HASPIN: variants seen among roughly 807,000 people sequenced by gnomAD.
The protein encoded by HASPIN is histone H3 associated protein kinase.
Under a neutral mutation model 28.8 loss-of-function variants are expected in HASPIN, and 24 were observed. The ratio of observed to expected loss-of-function variants is 0.83; its 90% CI spans 0.60 to 1.17. HASPIN has a LOEUF of 1.17. HASPIN is among the 50% of genes most tolerant of loss of function. HASPIN has a pLI of 0.00. For synonymous variants in HASPIN, 440 were observed against 413.1 expected (o/e 1.07, Z -0.79); for missense variants, 1,016 against 1,018.5 (o/e 1.00, Z 0.03).
Position 3,723,992 on chromosome 17 carries a change from G to T in HASPIN, c.57G>T (p.Ala19=). 1 of 1,593,624 alleles carries T rather than the reference G, an allele frequency of 6.3e-7. No homozygotes were observed. The change falls in exon 1 of 1, where the codon GCG becomes GCT. Residue 19 remains alanine, a synonymous_variant. Coordinates refer to ENST00000325418, the MANE Select transcript of HASPIN (RefSeq NM_031965.2). ...GSRLFRTYGA[A]DGRRQRRPGR... ...GGCTTTTCCGCACATATGGGGCTGC[G>T]GACGGCAGGAGACAGCGGCGGCCGG... is the stretch of plus-strand genomic sequence containing the variant.
In HASPIN at chr17:3,726,140, A is replaced by G. The variant is rs1246805480; in HGVS notation, c.2205A>G (p.Glu735=). ...AGGAGAATAACAACCGCTGGGGTGA[A>G]TATCACCCTTATAGTAATGTGCTCT... ...MKKENNNRWG[E]YHPYSNVLWL... is the part of the protein sequence containing the mutation. Residue 735 remains glutamate, a synonymous_variant, in exon 1 of 1, where the codon GAA becomes GAG. Transcript: ENST00000325418. The G allele has an allele frequency of 1.2e-6, 2 of 1,614,126 alleles. No individual in the cohort carries two copies. Among genetic ancestry groups the G allele is most frequent in the Non-Finnish European group, 1.7e-6 (2 of 1,179,952 alleles).
rs377095718 is a variant in HASPIN at position 3,723,917 on chromosome 17, C to G, written c.-19C>G. ...AGTCTCGCGATGTTTGCGTTTGAAC[C>G]TCTTGGCGGGTGCCGGCCATGGCGG... On this transcript the variant is annotated 5_prime_UTR_variant, in exon 1 of 1. Coordinates refer to ENST00000325418, the MANE Select transcript of HASPIN (RefSeq NM_031965.2). The G allele has an allele frequency of 5.1e-4, 790 of 1,544,424 alleles. 4 individuals are homozygous for G. The African/African-American group carries it at 9.2e-3, about 18-fold the overall frequency.
chr17:3,726,625 C>T lies in HASPIN; in HGVS notation c.*293C>T, dbSNP rs1302443215. 3.0e-6 allele frequency: 1 copy of T among 338,598 alleles called. No homozygotes were observed. The highest frequency in any genetic ancestry group is 5.3e-6 in the Non-Finnish European group (1 of 187,216). The allele number at this position is 338,598 out of a possible 1,614,324, so 21.0% of individuals were successfully genotyped here. ...GGAGGATCGCTTGAGCCCAAGAGTT[C>T]ATATCTAGCCTGGTCAACATAGCAA... On this transcript the variant is annotated 3_prime_UTR_variant, in exon 1 of 1. Transcript: ENST00000325418.
rs1201524650 is a variant in HASPIN, at chr17:3,724,854, G to A, written c.919G>A (p.Glu307Lys). ...QDSCQERGLQ[E>K]AVRREHQEAS... The stretch of plus-strand genomic sequence containing the variant: ...CTCTTGTCAAGAGAGAGGGCTTCAA[G>A]AGGCCGTCCGGAGAGAGCATCAGGA... Residue 307 changes from glutamate (E) to lysine (K), a missense_variant, in exon 1 of 1, where the codon GAG becomes AAG. By Grantham distance (56) the Glu-to-Lys change is moderately conservative. Transcript: ENST00000325418. The A allele has an allele frequency of 6.2e-7, 1 of 1,614,076 alleles. No homozygotes were observed. The highest frequency in any genetic ancestry group is 1.1e-5 in the South Asian group (1 of 91,088).
chr17:3,725,036 C>G lies in HASPIN; in HGVS notation c.1101C>G (p.Phe367Leu). The G allele has an allele frequency of 1.2e-6, 2 of 1,614,192 alleles. No homozygotes were observed. Among genetic ancestry groups the G allele is most frequent in the Non-Finnish European group, 1.7e-6 (2 of 1,180,030 alleles). ...GCCAAAAGCTGGGAAAAGATTCGTT[C>G]CCCACCCAGGACCTGACTCCTTTAC... Reference protein sequence around the residue: ...KKGQKLGKDSFPTQDLTPLQN... With the variant: ...KKGQKLGKDSLPTQDLTPLQN... The change falls in exon 1 of 1, where the codon TTC becomes TTG. Residue 367 changes from phenylalanine (F) to leucine (L), a missense_variant. Phe to Leu is a conservative substitution (Grantham distance 22, BLOSUM62 0). This residue lies in a region of HASPIN where 881 missense variants were observed against 845.5 expected (regional missense o/e 1.04). Transcript: ENST00000325418.
chr17:3,723,906 T>C lies in HASPIN; in HGVS notation c.-30T>C, dbSNP rs778001144. The C allele has an allele frequency of 2.5e-5, 38 of 1,535,092 alleles. 1 individual carries two copies. Among genetic ancestry groups the C allele is most frequent in the Non-Finnish European group, 3.3e-5 (38 of 1,143,384 alleles). On this transcript the variant is annotated 5_prime_UTR_variant, in exon 1 of 1. Transcript: ENST00000325418. The stretch of plus-strand genomic sequence containing the variant: ...CGTCGCACGGAAGTCTCGCGATGTT[T>C]GCGTTTGAACCTCTTGGCGGGTGCC...
chr17:3,724,909 C>T lies in HASPIN; in HGVS notation c.974C>T (p.Pro325Leu), dbSNP rs766794838. 1.8e-5 allele frequency: 29 copies of T among 1,613,422 alleles called. No individual in the cohort carries two copies. Among genetic ancestry groups the T allele is most frequent in the Non-Finnish European group, 2.3e-5 (27 of 1,179,824 alleles). ...EASVPKGRIV[P>L]RGIDRLERTR... is the part of the protein sequence containing the mutation. ...AGTGTTCCCAAGGGCCGCATTGTGC[C>T]AAGGGGAATAGACAGGCTGGAGAGA... The change falls in exon 1 of 1, where the codon CCA becomes CTA. Residue 325 changes from proline to leucine, a missense_variant. Pro to Leu is a moderately conservative substitution (Grantham distance 98). This residue lies in a region of HASPIN where 881 missense variants were observed against 845.5 expected (regional missense o/e 1.04). Coordinates refer to ENST00000325418, the MANE Select transcript of HASPIN (RefSeq NM_031965.2).
Position 3,724,727 on chromosome 17 carries a change from G to A in HASPIN, c.792G>A (p.Lys264=), listed in dbSNP as rs1349749878. The part of the protein sequence containing the change: ...PEDSEFRADG[K]NMRESCCKRK... ...ATTCTGAGTTTCGGGCAGATGGGAA[G>A]AATATGAGAGAGTCCTGCTGTAAAA... Residue 264 remains lysine, a synonymous_variant, in exon 1 of 1, where the codon AAG becomes AAA. Coordinates refer to ENST00000325418, the MANE Select transcript of HASPIN (RefSeq NM_031965.2). The A allele has an allele frequency of 2.5e-6, 4 of 1,614,236 alleles. No homozygotes were observed. Among genetic ancestry groups the A allele is most frequent in the Admixed American group, 1.7e-5 (1 of 60,020 alleles).
In HASPIN at chr17:3,725,905, TAAAG is replaced by T. The variant is rs761278232; in HGVS notation, c.1974_1977del (p.Lys659ProfsTer24). ...GACTTACACTGGGGGAACGTGCTCTTAAAGAAAACCAGCCTCAAAAAACTCCACT... is the reference window on the plus strand; with the variant it reads ...GACTTACACTGGGGGAACGTGCTCTTAAAACCAGCCTCAAAAAACTCCACT... On this transcript the variant is annotated frameshift_variant, in exon 1 of 1. Transcript: ENST00000325418. LOFTEE classifies it high-confidence loss of function. 1.2e-6 allele frequency: 2 copies of T among 1,613,060 alleles called. No individual in the cohort carries two copies. The highest frequency in any genetic ancestry group is 1.7e-6 in the Non-Finnish European group (2 of 1,179,974).
chr17:3,725,943 A>G lies in HASPIN; in HGVS notation c.2008A>G (p.Asn670Asp). 2 of 1,613,662 alleles carry G rather than the reference A, an allele frequency of 1.2e-6. No homozygotes were observed. Among genetic ancestry groups the G allele is most frequent in the Non-Finnish European group, 1.7e-6 (2 of 1,179,984 alleles). Residue 670 changes from asparagine to aspartate, a missense_variant, in exon 1 of 1, where the codon AAT (asparagine) becomes GAT (aspartate). Physicochemically the swap from Asn to Asp is conservative, Grantham distance 23. This residue lies in a region of HASPIN where 6 missense variants were observed against 16.9 expected (regional missense o/e 0.36). Coordinates refer to ENST00000325418, the MANE Select transcript of HASPIN (RefSeq NM_031965.2). ...TSLKKLHYTL[N>D]GKSSTIPSCG... is the part of the protein sequence containing the mutation. ...CCTCAAAAAACTCCACTACACCCTC[A>G]ATGGGAAGAGCAGCACTATCCCCAG...
chr17:3,724,363 C>A lies in HASPIN; in HGVS notation c.428C>A (p.Ser143Tyr), dbSNP rs1238974783. ...LRLPPFPSRD[S>Y]GRLSPDLSVC... ...CTTCCGCCCTTCCCCAGCCGCGACT[C>A]CGGCCGCCTCAGCCCGGACCTCAGC... Residue 143 changes from serine to tyrosine, a missense_variant, in exon 1 of 1, where the codon TCC (serine) becomes TAC (tyrosine). This residue lies in a region of HASPIN where 881 missense variants were observed against 845.5 expected (regional missense o/e 1.04). Transcript: ENST00000325418. The A allele has an allele frequency of 8.1e-6, 13 of 1,603,030 alleles. No homozygotes were observed. The highest frequency in any genetic ancestry group is 1.1e-5 in the Non-Finnish European group (13 of 1,177,228).
chr17:3,724,447 C>G lies in HASPIN; in HGVS notation c.512C>G (p.Ser171Cys), dbSNP rs138537888. 9.5e-5 allele frequency: 153 copies of G among 1,613,564 alleles called. No individual in the cohort carries two copies. The highest frequency in any genetic ancestry group is 1.2e-4 in the Non-Finnish European group (145 of 1,180,006). ...ELGISASLFSSLASPCPGSPT... is the reference protein window; with the variant it reads ...ELGISASLFSCLASPCPGSPT... ...GGCATCAGTGCCTCCCTGTTCAGCT[C>G]TCTGGCCTCGCCCTGCCCCGGGTCC... Residue 171 changes from serine to cysteine, a missense_variant, in exon 1 of 1, where the codon TCT (serine) becomes TGT (cysteine). This residue lies in a region of HASPIN where 881 missense variants were observed against 845.5 expected (regional missense o/e 1.04). Coordinates refer to ENST00000325418, the MANE Select transcript of HASPIN (RefSeq NM_031965.2).
At position 3,724,677 on chromosome 17, in the gene HASPIN, C is replaced by A; in HGVS notation, c.742C>A (p.Leu248Ile). 1 of 1,614,180 alleles carries A rather than the reference C, an allele frequency of 6.2e-7. No homozygotes were observed. Among genetic ancestry groups the A allele is most frequent in the Non-Finnish European group, 8.5e-7 (1 of 1,180,036 alleles). Reference sequence around the variant, plus strand: ...CAGCCTCAGGTCAGTTCTCTTTGGCCTTATGAACTCAGGAACCCCTGAGGA... The same window carrying A: ...CAGCCTCAGGTCAGTTCTCTTTGGCATTATGAACTCAGGAACCCCTGAGGA... ...RASLRSVLFG[L>I]MNSGTPEDSE... The change falls in exon 1 of 1, where the codon CTT becomes ATT. Residue 248 changes from leucine (L) to isoleucine (I), a missense_variant. By Grantham distance (5) the Leu-to-Ile change is conservative. This residue lies in a region of HASPIN where 881 missense variants were observed against 845.5 expected (regional missense o/e 1.04). Coordinates refer to ENST00000325418, the MANE Select transcript of HASPIN (RefSeq NM_031965.2).
In HASPIN at chr17:3,724,152, G is replaced by T; in HGVS notation, c.217G>T (p.Gly73Cys). The T allele has an allele frequency of 6.3e-7, 1 of 1,594,834 alleles. No homozygotes were observed. The highest frequency in any genetic ancestry group is 8.5e-7 in the Non-Finnish European group (1 of 1,177,150). Residue 73 changes from glycine to cysteine, a missense_variant, in exon 1 of 1, where the codon GGC (glycine) becomes TGC (cysteine). Gly to Cys is a radical substitution (Grantham distance 159, BLOSUM62 -3). This residue lies in a region of HASPIN where 881 missense variants were observed against 845.5 expected (regional missense o/e 1.04). Transcript: ENST00000325418. ...CGATCCCGACGACCCCGACTTCCCC[G>T]GCAGCCCGGTGAGGCGGCGGCGGAG... Reference protein sequence around the residue: ...PDDPDDPDFPGSPVRRRRRRP... With the variant: ...PDDPDDPDFPCSPVRRRRRRP...
chr17:3,726,045 G>A lies in HASPIN; in HGVS notation c.2110G>A (p.Val704Ile), dbSNP rs2051203665. The A allele has an allele frequency of 1.9e-6, 3 of 1,614,122 alleles. No individual in the cohort carries two copies. Among genetic ancestry groups the A allele is most frequent in the East Asian group, 2.2e-5 (1 of 44,892 alleles). Residue 704 changes from valine to isoleucine, a missense_variant, in exon 1 of 1, where the codon GTT (valine) becomes ATT (isoleucine). Val to Ile is a conservative substitution (Grantham distance 29). Around this residue, in one of 3 missense-constraint regions of HASPIN, gnomAD observed 129 missense variants for 156.2 expected, o/e 0.83. Transcript: ENST00000325418. ...GGATGGGATTGTGGTTTTCTGTGAC[G>A]TTTCCATGGATGAGGACCTGTTTAC... ...ERDGIVVFCD[V>I]SMDEDLFTGD...
At position 3,725,948 on chromosome 17, in the gene HASPIN, G is replaced by A. The variant is rs150608346; in HGVS notation, c.2013G>A (p.Gly671=). 4 of 1,613,608 alleles carry A rather than the reference G, an allele frequency of 2.5e-6. No individual in the cohort carries two copies. The African/African-American group carries it at 4.0e-5, about 16-fold the overall frequency. Residue 671 remains glycine (G), a synonymous_variant, in exon 1 of 1, where the codon GGG becomes GGA. Transcript: ENST00000325418. ...SLKKLHYTLN[G]KSSTIPSCGL... The stretch of plus-strand genomic sequence containing the variant: ...AAAAACTCCACTACACCCTCAATGG[G>A]AAGAGCAGCACTATCCCCAGCTGTG...
chr17:3,725,767 A>G lies in HASPIN; in HGVS notation c.1832A>G (p.Asp611Gly). ...CTGGAATTTGAGTTTGGAGGGATTGACTTAGAGCAAATGCGAACCAAGTTG... is the reference window on the plus strand; with the variant it reads ...CTGGAATTTGAGTTTGGAGGGATTGGCTTAGAGCAAATGCGAACCAAGTTG... ...IVLEFEFGGIDLEQMRTKLSS... is the reference protein window; with the variant it reads ...IVLEFEFGGIGLEQMRTKLSS... Residue 611 changes from aspartate to glycine, a missense_variant, in exon 1 of 1, where the codon GAC becomes GGC. By Grantham distance (94) the Asp-to-Gly change is moderately conservative. Around this residue, in one of 3 missense-constraint regions of HASPIN, gnomAD observed 881 missense variants for 845.5 expected, o/e 1.04. Transcript: ENST00000325418. 1 of 1,598,988 alleles carries G rather than the reference A, an allele frequency of 6.3e-7. No individual in the cohort carries two copies. Among genetic ancestry groups the G allele is most frequent in the Non-Finnish European group, 8.5e-7 (1 of 1,171,014 alleles).
chr17:3,724,577 A>G lies in HASPIN; in HGVS notation c.642A>G (p.Arg214=). 1.2e-6 allele frequency: 2 copies of G among 1,614,154 alleles called. No homozygotes were observed. The highest frequency in any genetic ancestry group is 3.3e-5 in the Admixed American group (2 of 60,014). The stretch of plus-strand genomic sequence containing the variant: ...ACCTCCCAGAAGTCTCCCTGGACCG[A>G]GCATCTCTCCCCTGCTCCCAGGAGG... ...GLHLPEVSLD[R]ASLPCSQEEA... Residue 214 remains arginine (R), a synonymous_variant, in exon 1 of 1, where the codon CGA becomes CGG. Coordinates refer to ENST00000325418, the MANE Select transcript of HASPIN (RefSeq NM_031965.2).
At position 3,724,306 on chromosome 17, in the gene HASPIN, A is replaced by C; in HGVS notation, c.371A>C (p.Gln124Pro). The change falls in exon 1 of 1, where the codon CAG becomes CCG. Residue 124 changes from glutamine (Q) to proline (P), a missense_variant. By Grantham distance (76) the Gln-to-Pro change is moderately conservative. Coordinates refer to ENST00000325418, the MANE Select transcript of HASPIN (RefSeq NM_031965.2). ...RRLGLRARPP[Q>P]KCSTPCGPLR... ...CTGGGGCTGCGAGCTCGGCCCCCGC[A>C]GAAGTGCAGCACACCCTGCGGCCCG... 3 of 1,588,404 alleles carry C rather than the reference A, an allele frequency of 1.9e-6. No homozygotes were observed. Among genetic ancestry groups the C allele is most frequent in the Non-Finnish European group, 2.6e-6 (3 of 1,174,108 alleles).
Sources: allele counts gnomAD v4.1 joint callset, GRCh38; gene constraint gnomAD v4.1.1; regional missense constraint gnomAD v4.1.1; transcripts MANE v1.5; gene names NCBI Gene and HGNC (gene_info 2026-07-23, HGNC 2026-07-21).